Variants in KBTBD11 observed in about 807,000 individuals in gnomAD.
The protein encoded by KBTBD11 is kelch repeat and BTB domain-containing protein 11.
For missense variants in KBTBD11, 1,390 were observed against 1,001.8 expected (o/e 1.39, Z -5.23); for synonymous variants, 747 against 499.0 (o/e 1.50, Z -6.63).
intron 1 of KBTBD11, among the ~76,000 whole-genome samples, chr8:1,987,257 T>C (rs1816735693): frequency 6.6e-6 from 1 of 152,192 alleles, no homozygotes; most frequent in African/African-American, 2.4e-5. Context: ...CAGTATCTTT[T>C]TGCAACTGCA....
rs988341083 is a variant in KBTBD11 at position 1,980,450 on chromosome 8, C to A, written c.-909+6515C>A. ...CCATGTTGGCCAGGATGGTCCCAATCTCTTGACCTCATGATCTGCCTGCCT... is the reference window on the plus strand; with the variant it reads ...CCATGTTGGCCAGGATGGTCCCAATATCTTGACCTCATGATCTGCCTGCCT... On this transcript the variant is annotated intron_variant, in intron 1 of 1. Coordinates refer to ENST00000320248, the MANE Select transcript of KBTBD11 (RefSeq NM_014867.3). 3.9e-5 allele frequency among the ~76,000 whole-genome samples: 6 copies of A among 152,338 alleles called. No homozygotes were observed. The South Asian group carries it at 1.0e-3, about 26-fold the overall frequency.
At chr8:1,986,083 A>G (rs1416342967) in intron 1 of KBTBD11, among the ~76,000 whole-genome samples, 3 of 152,238 alleles carry the variant, frequency 2.0e-5, no homozygotes, top group African/African-American at 4.8e-5. Flanking sequence ...ATCAGTAACA[A>G]TGACAAATCA....
intron 1 of KBTBD11, among the ~76,000 whole-genome samples, chr8:1,981,369 T>C (rs187585070): frequency 2.7e-4 from 41 of 152,286 alleles, no homozygotes; most frequent in Middle Eastern, 3.4e-3. Context: ...CACTGGTAAA[T>C]GTAAGTACAC....
At chr8:1,988,911 G>T (rs758250726) in intron 1 of KBTBD11, among the ~76,000 whole-genome samples, 8 of 150,270 alleles carry the variant, frequency 5.3e-5, no homozygotes, top group Non-Finnish European at 1.0e-4. Flanking sequence ...ATTGACAGTT[G>T]TGAGCAATTG....
At chr8:1,992,503 C>G (rs2129313296) in intron 1 of KBTBD11, among the ~76,000 whole-genome samples, 1 of 151,880 alleles carries the variant, frequency 6.6e-6, no homozygotes, top group Admixed American at 6.5e-5. Flanking sequence ...GGTGTAGGTA[C>G]CTGGAGAGAT....
intron 1 of KBTBD11, among the ~76,000 whole-genome samples, chr8:1,998,057 T>G (rs148626695): frequency 6.6e-6 from 1 of 152,212 alleles, no homozygotes; most frequent in Non-Finnish European, 1.5e-5. Flanking sequence ...CAGGTGTGAG[T>G]TGAACATCCC....
Position 2,001,673 on chromosome 8 carries a change from C to G in KBTBD11, c.481C>G (p.Arg161Gly). Reference protein sequence around the residue: ...LRAHKAVLAARSDYFRARASR... With the variant: ...LRAHKAVLAAGSDYFRARASR... Reference sequence around the variant, plus strand: ...CGCGCACAAGGCGGTGCTGGCGGCGCGCAGCGACTACTTCCGCGCGCGCGC... The same window carrying G: ...CGCGCACAAGGCGGTGCTGGCGGCGGGCAGCGACTACTTCCGCGCGCGCGC... The change falls in exon 2 of 2, where the codon CGC becomes GGC. Residue 161 changes from arginine to glycine, a missense_variant. Arg to Gly is a moderately radical substitution (Grantham distance 125). Coordinates refer to ENST00000320248, the MANE Select transcript of KBTBD11 (RefSeq NM_014867.3). 6.8e-7 allele frequency: 1 copy of G among 1,460,418 alleles called. No homozygotes were observed. The highest frequency in any genetic ancestry group is 1.3e-5 in the South Asian group (1 of 76,752). 90.5% of individuals were successfully genotyped at this position (1,460,418 alleles called of 1,614,324 possible).
At chr8:1,980,584 G>C (rs1444669921) in intron 1 of KBTBD11, among the ~76,000 whole-genome samples, 1 of 152,228 alleles carries the variant, frequency 6.6e-6, no homozygotes, top group Non-Finnish European at 1.5e-5. Flanking sequence ...CCACACTGCA[G>C]GCAGCTTCCG....
chr8:2,002,026 C>A lies in KBTBD11; in HGVS notation c.834C>A (p.Gly278=). The A allele has an allele frequency of 7.2e-7, 1 of 1,387,572 alleles. No homozygotes were observed. Among genetic ancestry groups the A allele is most frequent in the Non-Finnish European group, 9.4e-7 (1 of 1,058,344 alleles). The allele number at this position is 1,387,572 out of a possible 1,614,324, so 86.0% of individuals were successfully genotyped here. Reference sequence around the variant, plus strand: ...CCGCCGTGTTCGGCCGCCTGTCGGGCGCAGAGCGGGACCTGCTGCTGCGCC... The same window carrying A: ...CCGCCGTGTTCGGCCGCCTGTCGGGAGCAGAGCGGGACCTGCTGCTGCGCC... ...REPAVFGRLS[G]AERDLLLRRR... Residue 278 remains glycine (G), a synonymous_variant, in exon 2 of 2, where the codon GGC becomes GGA. Coordinates refer to ENST00000320248, the MANE Select transcript of KBTBD11 (RefSeq NM_014867.3). This position sits in a 1 kb window ranked among gnomAD's most constrained non-coding sequence, Gnocchi z 4.1.
At chr8:1,974,655 G>A (rs1585711676) in intron 1 of KBTBD11, 1 of 985,330 alleles carries the variant, frequency 1.0e-6, no homozygotes, top group Non-Finnish European at 1.2e-6. Context: ...GCCCCTTGCA[G>A]CCCCCGCCCC....
At position 2,002,521 on chromosome 8, in the gene KBTBD11, G is replaced by C; in HGVS notation, c.1329G>C (p.Arg443=). 1 of 1,530,618 alleles carries C rather than the reference G, an allele frequency of 6.5e-7. No homozygotes were observed. The highest frequency in any genetic ancestry group is 8.7e-7 in the Non-Finnish European group (1 of 1,149,564). 94.8% of individuals were successfully genotyped at this position (1,530,618 alleles called of 1,614,324 possible). A position where few individuals can be genotyped will look rare whatever the true frequency, so the allele number is the denominator to read the frequency against. ...DRWAPVAPLP[R]GAFAVAHEAT... ...GGGCCCCCGTGGCGCCGCTGCCCCGGGGCGCCTTCGCCGTGGCGCATGAGG... is the reference window on the plus strand; with the variant it reads ...GGGCCCCCGTGGCGCCGCTGCCCCGCGGCGCCTTCGCCGTGGCGCATGAGG... The change falls in exon 2 of 2, where the codon CGG becomes CGC. Residue 443 remains arginine, a synonymous_variant. Transcript: ENST00000320248. The surrounding 1 kb of genome is among the most constrained non-coding windows in gnomAD (Gnocchi z 4.1).
rs1026557661 is a variant in KBTBD11, at chr8:2,003,207, C to G, written c.*143C>G. On this transcript the variant is annotated 3_prime_UTR_variant, in exon 2 of 2. Transcript: ENST00000320248. Reference sequence around the variant, plus strand: ...ACACTTCGAAGGAGCCCCGAGGACGCTCTCAGGGCCGCTTTCGCTTTGCTT... The same window carrying G: ...ACACTTCGAAGGAGCCCCGAGGACGGTCTCAGGGCCGCTTTCGCTTTGCTT... 8.4e-7 allele frequency: 1 copy of G among 1,188,080 alleles called. No individual in the cohort carries two copies. The highest frequency in any genetic ancestry group is 1.6e-5 in the African/African-American group (1 of 63,146). The allele number at this position is 1,188,080 out of a possible 1,614,324, so 73.6% of individuals were successfully genotyped here. A position where few individuals can be genotyped will look rare whatever the true frequency, so the allele number is the denominator to read the frequency against.
At chr8:1,999,768 C>G (rs1011870219) in intron 1 of KBTBD11, among the ~76,000 whole-genome samples, 1 of 152,156 alleles carries the variant, frequency 6.6e-6, no homozygotes, top group Admixed American at 6.5e-5. Context: ...GAGAAGCATC[C>G]TAACGCCTTT....
In KBTBD11 at chr8:2,004,926, A is replaced by T. The variant is rs1465415101; in HGVS notation, c.*1862A>T. On this transcript the variant is annotated 3_prime_UTR_variant, in exon 2 of 2. Transcript: ENST00000320248. ...TATTAATGGTAGAAATTTTTATATG[A>T]AATGGGACCAGGACCAGGCTAATAT... 1 of 167,118 alleles carries T rather than the reference A, an allele frequency of 6.0e-6. No homozygotes were observed. The highest frequency in any genetic ancestry group is 1.5e-5 in the Non-Finnish European group (1 of 68,122). 10.4% of individuals were successfully genotyped at this position (167,118 alleles called of 1,614,324 possible).
intron 1 of KBTBD11, among the ~76,000 whole-genome samples, chr8:1,999,592 CTTCA>C (rs1224960114): frequency 6.6e-6 from 1 of 152,248 alleles, no homozygotes; most frequent in African/African-American, 2.4e-5. Context: ...CTTCCACATA[CTTCA>C]TTCAGTCTTT....
At position 2,001,625 on chromosome 8, in the gene KBTBD11, G is replaced by A; in HGVS notation, c.433G>A (p.Glu145Lys). The A allele has an allele frequency of 6.8e-7, 1 of 1,480,382 alleles. No individual in the cohort carries two copies. Among genetic ancestry groups the A allele is most frequent in the South Asian group, 1.3e-5 (1 of 79,064 alleles). 91.7% of individuals were successfully genotyped at this position (1,480,382 alleles called of 1,614,324 possible). A position where few individuals can be genotyped will look rare whatever the true frequency, so the allele number is the denominator to read the frequency against. Residue 145 changes from glutamate to lysine, a missense_variant, in exon 2 of 2, where the codon GAG (glutamate) becomes AAG (lysine). Coordinates refer to ENST00000320248, the MANE Select transcript of KBTBD11 (RefSeq NM_014867.3). ...GTACGGGGAGCCGGACCTGGTGCTGGAGGTGTCGGGGCGCCGGCTGCGCGC... is the reference window on the plus strand; with the variant it reads ...GTACGGGGAGCCGGACCTGGTGCTGAAGGTGTCGGGGCGCCGGCTGCGCGC... ...AVYGEPDLVLEVSGRRLRAHK... is the reference protein window; with the variant it reads ...AVYGEPDLVLKVSGRRLRAHK...
chr8:1,990,486 GCGCCC>G (rs1816875927), intron 1 of KBTBD11, among the ~76,000 whole-genome samples: 1 of 108,990 alleles, frequency 9.2e-6, no homozygotes, highest in African/African-American at 3.6e-5. Context: ...CTGGGACTTG[GCGCCC>G]TGTCCGGGTA....
chr8:1,991,395 T>TA (rs1816910473), intron 1 of KBTBD11, among the ~76,000 whole-genome samples: 1 of 152,246 alleles, frequency 6.6e-6, no homozygotes, highest in Admixed American at 6.5e-5. Context: ...TTAGCGAACT[T>TA]ACCTCAGACG....
chr8:1,974,290 C>A (rs1816240900), intron 1 of KBTBD11: 4 of 983,962 alleles, frequency 4.1e-6, no homozygotes, highest in South Asian at 4.7e-5. Flanking sequence ...CGCGGCAACC[C>A]CGGCCGGAAG....
Sources: gnomAD v4.1 joint callset for allele counts (sites outside exome capture counted in the v4.1 genomes callset) on GRCh38, gnomAD v4.1.1 for gene constraint, Gnocchi (gnomAD v3.1) non-coding constraint, MANE v1.5 for transcripts, NCBI Gene and HGNC (gene_info 2026-07-23, HGNC 2026-07-21) for gene names.